Variants in GLRB observed in about 807,000 individuals in gnomAD.
GLRB encodes glycine receptor beta.
In GLRB, 33 loss-of-function variants were observed where a neutral mutation model predicts 54.2. The ratio of observed to expected loss-of-function variants is 0.61; its 90% confidence interval spans 0.46 to 0.81. The LOEUF (loss-of-function observed/expected upper bound fraction) is 0.81, where lower values mean the gene tolerates loss of function less well. Ranked by LOEUF, GLRB falls within the 40% of genes least tolerant of loss-of-function variation. The pLI, the probability that GLRB is intolerant of heterozygous loss-of-function variation, is 0.00. For synonymous variants in GLRB, 209 were observed against 208.2 expected, an observed-to-expected ratio of 1.00 and a Z score of -0.03; for missense variants, 572 against 584.6, an observed-to-expected ratio of 0.98 and a Z score of 0.22.
chr4:157,135,994 G>A (rs1477223295), intron 4 of GLRB, among the ~76,000 whole-genome samples: 1 of 152,090 alleles, frequency 6.6e-6, no homozygotes, highest in African/African-American at 2.4e-5. Flanking sequence ...TTTAGTCTTA[G>A]ACATTCTTGA....
rs969261180 is a variant in GLRB at position 157,134,397 on chromosome 4, A to AT, written c.298-2063dup. Among the ~76,000 whole-genome samples the AT allele has an allele frequency of 2.8e-4, 42 of 151,136 alleles. 1 individual carries two copies. The highest frequency in any genetic ancestry group is 3.3e-4 in the Admixed American group (5 of 15,076). On this transcript the variant is annotated intron_variant, in intron 4 of 9. Transcript: ENST00000264428. Reference sequence around the variant, plus strand: ...CATAATGTGATATCATCTCTATACAATTTTTTTTTAATTACCCAGGAGATT... The same window carrying AT: ...CATAATGTGATATCATCTCTATACAATTTTTTTTTTAATTACCCAGGAGATT...
intron 4 of GLRB, among the ~76,000 whole-genome samples, chr4:157,125,323 T>A (rs1735978653): frequency 6.6e-6 from 1 of 151,774 alleles, no homozygotes; most frequent in Non-Finnish European, 1.5e-5. Flanking sequence ...TTCATGGCAA[T>A]ATAATGGTGG....
chr4:157,084,794 T>A (rs1734348491), intron 2 of GLRB: 8 of 414,204 alleles, frequency 1.9e-5, no homozygotes, highest in South Asian at 3.5e-5. Flanking sequence ...ATATTAGCCA[T>A]CTTCCTATTC....
At chr4:157,079,277 A>G (rs1734145691) in intron 2 of GLRB, among the ~76,000 whole-genome samples, 1 of 152,202 alleles carries the variant, frequency 6.6e-6, no homozygotes, top group Admixed American at 6.5e-5. Flanking sequence ...AATATTGATC[A>G]TAGATAACAT....
intron 8 of GLRB, among the ~76,000 whole-genome samples, chr4:157,150,865 A>T (rs1736997293): frequency 6.6e-6 from 1 of 151,706 alleles, no homozygotes; most frequent in African/African-American, 2.4e-5. Context: ...TCATTTCCTT[A>T]TACTTTGTTT....
intron 2 of GLRB, among the ~76,000 whole-genome samples, chr4:157,102,535 A>G (rs1223719938): frequency 1.3e-5 from 2 of 152,176 alleles, no homozygotes; most frequent in African/African-American, 4.8e-5. Context: ...TTAAAGGCTA[A>G]ATAATATTTT....
chr4:157,116,358 C>T (rs972067347), intron 2 of GLRB, among the ~76,000 whole-genome samples: 2 of 151,626 alleles, frequency 1.3e-5, no homozygotes, highest in Non-Finnish European at 2.9e-5. Context: ...ATAAATCCTG[C>T]TTTTTAATAT....
chr4:157,129,849 A>G (rs1225737640), intron 4 of GLRB, among the ~76,000 whole-genome samples: 1 of 151,566 alleles, frequency 6.6e-6, no homozygotes, highest in Non-Finnish European at 1.5e-5. Flanking sequence ...CTGTGTTGAG[A>G]TTTGAGATCT....
intron 9 of GLRB, among the ~76,000 whole-genome samples, chr4:157,162,401 A>T (rs1445786121): frequency 6.6e-6 from 1 of 152,118 alleles, no homozygotes; most frequent in African/African-American, 2.4e-5. Flanking sequence ...ATTTCTTTGG[A>T]GGAGAAGAGG....
intron 2 of GLRB, among the ~76,000 whole-genome samples, chr4:157,101,628 T>A (rs1190653818): frequency 6.6e-6 from 1 of 151,984 alleles, no homozygotes; most frequent in East Asian, 1.9e-4. Context: ...GACCTGAAAT[T>A]GGGGTTAACT....
intron 2 of GLRB, among the ~76,000 whole-genome samples, chr4:157,096,904 T>G (rs1454267146): frequency 6.6e-6 from 1 of 152,222 alleles, no homozygotes; most frequent in Non-Finnish European, 1.5e-5. Flanking sequence ...GGCATTGTAG[T>G]GTGCTTTGAG....
At chr4:157,138,106 C>G (rs1346083921) in intron 6 of GLRB, among the ~76,000 whole-genome samples, 1 of 152,186 alleles carries the variant, frequency 6.6e-6, no homozygotes, top group Non-Finnish European at 1.5e-5. Flanking sequence ...GAGTCTTGCT[C>G]TGTCACCCAG....
chr4:157,107,113 A>G (rs1735254179), intron 2 of GLRB, among the ~76,000 whole-genome samples: 1 of 152,032 alleles, frequency 6.6e-6, no homozygotes, highest in South Asian at 2.1e-4. Context: ...TGCCCACATA[A>G]GAGTGCAAAT....
intron 9 of GLRB, among the ~76,000 whole-genome samples, chr4:157,158,449 G>T (rs1737326536): frequency 6.6e-6 from 1 of 152,152 alleles, no homozygotes; most frequent in Non-Finnish European, 1.5e-5. Flanking sequence ...TTCTTCTAGA[G>T]TTTTTATGAT....
At chr4:157,102,835 G>A (rs757962260) in intron 2 of GLRB, among the ~76,000 whole-genome samples, 7 of 152,284 alleles carry the variant, frequency 4.6e-5, no homozygotes, top group Non-Finnish European at 1.0e-4. Context: ...CGGAGACTTG[G>A]CATTTAAATG....
At chr4:157,118,325 C>T (rs944838760) in intron 2 of GLRB, among the ~76,000 whole-genome samples, 2 of 151,760 alleles carry the variant, frequency 1.3e-5, no homozygotes, top group African/African-American at 2.4e-5. Context: ...AATGAGAAAA[C>T]TTGTAGATAG....
intron 2 of GLRB, among the ~76,000 whole-genome samples, chr4:157,080,794 T>C (rs774711819): frequency 6.8e-6 from 1 of 147,952 alleles, no homozygotes; most frequent in Non-Finnish European, 1.5e-5. Flanking sequence ...TGTTTATACT[T>C]TTTTTTTTTT....
chr4:157,153,289 A>G (rs1187007399), intron 9 of GLRB, among the ~76,000 whole-genome samples: 3 of 152,160 alleles, frequency 2.0e-5, no homozygotes, highest in Non-Finnish European at 4.4e-5. Flanking sequence ...CTCTGCTTTG[A>G]TGGTCACCAT....
At chr4:157,092,480 A>T (rs1191781708) in intron 2 of GLRB, among the ~76,000 whole-genome samples, 3 of 152,218 alleles carry the variant, frequency 2.0e-5, no homozygotes, top group Non-Finnish European at 4.4e-5. Flanking sequence ...TTGCATGTTT[A>T]CTATTACTCT....
Sources: gnomAD v4.1 joint callset for allele counts (sites outside exome capture counted in the v4.1 genomes callset) on GRCh38, gnomAD v4.1.1 for gene constraint, MANE v1.5 for transcripts, NCBI Gene and HGNC (gene_info 2026-07-23, HGNC 2026-07-21) for gene names.